Variants in PRSS53 observed in about 807,000 individuals in gnomAD.
PRSS53 encodes the protein EDTP308.
PRSS53 carries 54 observed loss-of-function variants against 62.7 expected under a neutral mutation model. That is an observed-to-expected ratio of 0.86 (90% CI 0.69 to 1.08). The LOEUF (loss-of-function observed/expected upper bound fraction) is 1.08, where lower values mean the gene tolerates loss of function less well. PRSS53 is among the 50% of genes least tolerant of loss of function. PRSS53 has a pLI of 0.00. For missense variants in PRSS53, 688 were observed against 728.3 expected, an observed-to-expected ratio of 0.94 and a Z score of 0.64; for synonymous variants, 273 against 300.0, an observed-to-expected ratio of 0.91 and a Z score of 0.93.
exon 1 of PRSS53, chr16:31,088,928 C>T: frequency 2.0e-6 from 3 of 1,518,564 alleles, no homozygotes; most frequent in Non-Finnish European, 2.6e-6. Context: ...CTTGCCCTAG[C>T]CAGCAGTTCC....
exon 8 of PRSS53, chr16:31,084,894 C>A: frequency 6.5e-7 from 1 of 1,544,136 alleles, no homozygotes; most frequent in Non-Finnish European, 8.7e-7. Context: ...ACAGGCTGGG[C>A]CAGCAGCAGG....
intron 6 of PRSS53, 92 bp downstream of exon 6, chr16:31,085,872 C>T (rs1422411802): frequency 1.5e-5 from 18 of 1,190,598 alleles, no homozygotes; most frequent in Non-Finnish European, 2.1e-5. Context: ...TAATTAGGCT[C>T]GGCGGTGTGG....
chr16:31,087,960 A>G (rs982584266), intron 1 of PRSS53, 134 bp from the exon 2 acceptor site: 1 of 1,543,062 alleles, frequency 6.5e-7, no homozygotes, highest in African/African-American at 1.4e-5. Context: ...CCCCTCCCAG[A>G]ATGAAAATAT....
chr16:31,083,748 C>T, exon 11 of PRSS53: 1 of 1,613,952 alleles, frequency 6.2e-7, no homozygotes, highest in South Asian at 1.1e-5. Flanking sequence ...ATGCCATTTG[C>T]CTGCCTGCAT....
At position 31,084,919 on chromosome 16, in the gene PRSS53, G is replaced by GC. The variant is rs766060256; in HGVS notation, c.1139dup (p.Tyr381LeufsTer27). On this transcript the variant is annotated frameshift_variant, in exon 8 of 11. Coordinates refer to ENST00000280606, the Ensembl canonical transcript of PRSS53. LOFTEE classifies it high-confidence loss of function. ...CCAGCAGCAGGAGGGCCATGTCGTA[G>GC]CCCCCCTCAGGGTGGGTGTAGGCTC... 1.3e-6 allele frequency: 2 copies of GC among 1,543,028 alleles called. No homozygotes were observed. The highest frequency in any genetic ancestry group is 1.8e-6 in the Non-Finnish European group (2 of 1,142,678).
chr16:31,084,688 T>C, exon 9 of PRSS53: 4 of 1,612,098 alleles, frequency 2.5e-6, no homozygotes, highest in Non-Finnish European at 3.4e-6. Flanking sequence ...GGGCACTGTC[T>C]GGAGGGAGCT....
At chr16:31,084,245 C>T (rs751868204) in exon 10 of PRSS53, 9 of 1,611,722 alleles carry the variant, frequency 5.6e-6, no homozygotes, top group Middle Eastern at 1.6e-4. Context: ...GCCGGCCTGG[C>T]GGGGCCTTGG....
In PRSS53 at chr16:31,087,718, C is replaced by A. The variant is rs1045244451; in HGVS notation, c.80-19G>T. ...CCACAGGCTGTGGAAAGGAGTTAGT[C>A]ACACTGACAGCAGATACCTGTCCTG... On this transcript the variant is annotated intron_variant, in intron 2 of 10. Coordinates refer to ENST00000280606, the Ensembl canonical transcript of PRSS53. 1.9e-6 allele frequency: 3 copies of A among 1,613,746 alleles called. No homozygotes were observed. The highest frequency in any genetic ancestry group is 3.3e-5 in the Admixed American group (2 of 59,972).
At chr16:31,085,301 C>A in intron 6 of PRSS53, 41 bp from the exon 7 acceptor site, 1 of 1,488,028 alleles carries the variant, frequency 6.7e-7, no homozygotes. Context: ...TTGCTAAGCA[C>A]TTCCCACTTC....
At chr16:31,087,093 G>A in intron 3 of PRSS53, 195 bp from the exon 4 acceptor site, 1 of 579,272 alleles carries the variant, frequency 1.7e-6, no homozygotes, top group Non-Finnish European at 2.9e-6. Flanking sequence ...GACCTCCCAG[G>A]CTCAAGCGAT....
exon 1 of PRSS53, chr16:31,088,876 C>T (rs2057261605): frequency 6.3e-7 from 1 of 1,599,606 alleles, no homozygotes; most frequent in South Asian, 1.1e-5. Context: ...TCCCTGGCTC[C>T]ACCTCTGCTC....
intron 3 of PRSS53, 175 bp downstream of exon 3, chr16:31,087,362 A>G: frequency 1.6e-6 from 1 of 618,732 alleles, no homozygotes; most frequent in South Asian, 2.0e-5. Context: ...TAAATCTTCT[A>G]CCATGAAAGG....
At chr16:31,087,318 G>A (rs1596790262) in intron 3 of PRSS53, 1 of 592,022 alleles carries the variant, frequency 1.7e-6, no homozygotes, top group African/African-American at 1.9e-5. Flanking sequence ...CTTTAAGCGA[G>A]GTCATTCCCT....
intron 1 of PRSS53, chr16:31,088,324 G>C (rs555074381): frequency 9.0e-7 from 1 of 1,112,572 alleles, no homozygotes; most frequent in African/African-American, 1.6e-5. Context: ...CTGAGAGCCC[G>C]CCAGAGAGAG....
chr16:31,086,632 C>A lies in PRSS53; in HGVS notation c.508+1G>T. 6.5e-7 allele frequency: 1 copy of A among 1,539,520 alleles called. No individual in the cohort carries two copies. The highest frequency in any genetic ancestry group is 1.4e-5 in the African/African-American group (1 of 73,116). The stretch of plus-strand genomic sequence containing the variant: ...GAGCTTCAGTCTGGGCCAGCACTTA[C>A]CATCACTGGTGTCCTGATCCCAGCC... On this transcript the variant is annotated splice_donor_variant, in intron 4 of 10. Transcript: ENST00000280606. LOFTEE classifies it high-confidence loss of function.
chr16:31,087,442 A>AT, intron 3 of PRSS53, 95 bp downstream of exon 3: 1 of 864,844 alleles, frequency 1.2e-6, no homozygotes, highest in East Asian at 2.6e-5. Context: ...GTTCTTTATT[A>AT]TTACTCTAGA....
rs1394005097 is a variant in PRSS53 at position 31,085,038 on chromosome 16, G to A, written c.1035-14C>T. 6.2e-7 allele frequency: 1 copy of A among 1,607,196 alleles called. No individual in the cohort carries two copies. Among genetic ancestry groups the A allele is most frequent in the East Asian group, 2.2e-5 (1 of 44,862 alleles). ...GGGGCCTGGCGCCTGTGCAGAGGCA[G>A]TGTGGACGGCACCAGGTGACAGGGC... On this transcript the variant is annotated splice_polypyrimidine_tract_variant and intron_variant, in intron 7 of 10. Transcript: ENST00000280606.
At chr16:31,086,348 C>G (rs2143878988) in exon 5 of PRSS53, 1 of 1,612,384 alleles carries the variant, frequency 6.2e-7, no homozygotes, top group Non-Finnish European at 8.5e-7. Context: ...TGACAGGGGC[C>G]CTGCACCCCA....
At chr16:31,083,785 C>T (rs757792526) in exon 11 of PRSS53, 1 of 1,613,996 alleles carries the variant, frequency 6.2e-7, no homozygotes, top group Non-Finnish European at 8.5e-7. Context: ...TGGCCAGGTC[C>T]CCTGTCAGCA....
Sources: gnomAD v4.1 joint callset for allele counts on GRCh38, gnomAD v4.1.1 for gene constraint, MANE v1.5 for transcripts, NCBI Gene and HGNC (gene_info 2026-07-23, HGNC 2026-07-21) for gene names.